Variants in CRPPA observed in about 807,000 individuals in gnomAD.
CRPPA encodes the protein D-ribitol-5-phosphate cytidylyltransferase.
Under a neutral mutation model 52.0 loss-of-function variants are expected in CRPPA, and 43 were observed. The observed-to-expected ratio is 0.83, with a 90% CI of 0.65 to 1.07. The LOEUF (loss-of-function observed/expected upper bound fraction) is 1.07. Among genes scored for constraint, CRPPA ranks in the 50% least tolerant of loss-of-function variants. The pLI is 0.00. For missense variants in CRPPA, 629 were observed against 551.7 expected (o/e 1.14, Z -1.40); for synonymous variants, 250 against 203.5 (o/e 1.23, Z -1.94).
chr7:16,338,261 A>G (rs1785736698), intron 3 of CRPPA, among the ~76,000 whole-genome samples: 1 of 152,232 alleles, frequency 6.6e-6, no homozygotes, highest in South Asian at 2.1e-4. Flanking sequence ...TAAACGTAAT[A>G]TACTACATTA....
chr7:16,258,264 C>T lies in CRPPA; in HGVS notation c.1119+126G>A, dbSNP rs952549765. On this transcript the variant is annotated intron_variant, in intron 8 of 9. Transcript: ENST00000407010. ...TAGCTAGAGAGTAAGCAGAGGAATC[C>T]ACAAACAAGAGTTTCTTTTGAGTAT... 8 of 528,642 alleles carry T rather than the reference C, an allele frequency of 1.5e-5. No homozygotes were observed. In the African/African-American group the frequency reaches 1.6e-4, roughly 10 times the overall value. 32.7% of individuals were successfully genotyped at this position (528,642 alleles called of 1,614,324 possible).
chr7:16,370,573 C>T (rs1786722565), intron 3 of CRPPA, among the ~76,000 whole-genome samples: 1 of 152,120 alleles, frequency 6.6e-6, no homozygotes, highest in Non-Finnish European at 1.5e-5. Context: ...GGAGAGGGCA[C>T]TACATCAAGG....
At chr7:16,100,506 C>T (rs966796084) in intron 9 of CRPPA, among the ~76,000 whole-genome samples, 54 of 152,128 alleles carry the variant, frequency 3.5e-4, no homozygotes, top group African/African-American at 1.0e-3. Context: ...AAGAGGTGAC[C>T]TTTTAGCTTA....
chr7:16,162,121 C>T (rs1256120416), intron 9 of CRPPA, among the ~76,000 whole-genome samples: 3 of 151,958 alleles, frequency 2.0e-5, no homozygotes, highest in African/African-American at 4.8e-5. Context: ...TTAATCTTTT[C>T]CAAAAACCAG....
In CRPPA at chr7:16,139,190, T is replaced by C. The variant is rs73291875; in HGVS notation, c.1252-47391A>G. On this transcript the variant is annotated intron_variant, in intron 9 of 9. Coordinates refer to ENST00000407010, the MANE Select transcript of CRPPA (RefSeq NM_001101426.4). ...AGGCAGCGTGGAGTATTTGGAGGAA[T>C]CCAACGAGGTGGAAACAGTAGTCTA... Among the ~76,000 whole-genome samples, 960 of 152,318 alleles carry C rather than the reference T, an allele frequency of 6.3e-3. 13 individuals carry two copies. The highest frequency in any genetic ancestry group is 0.022 in the African/African-American group (923 of 41,574).
Position 16,091,348 on chromosome 7 carries a change from C to A in CRPPA, c.*347G>T. ...TATTAATTAACAGTTAGGATAATAA[C>A]TGAAGTTTTCTAAATTCTCATTCCT... On this transcript the variant is annotated 3_prime_UTR_variant, in exon 10 of 10. Transcript: ENST00000407010. 1 of 189,012 alleles carries A rather than the reference C, an allele frequency of 5.3e-6. No individual in the cohort carries two copies. 11.7% of individuals were successfully genotyped at this position (189,012 alleles called of 1,614,324 possible). A position where few individuals can be genotyped will look rare whatever the true frequency, so the allele number is the denominator to read the frequency against.
At chr7:16,124,868 T>TA (rs956244440) in intron 9 of CRPPA, among the ~76,000 whole-genome samples, 6 of 151,392 alleles carry the variant, frequency 4.0e-5, no homozygotes, top group African/African-American at 1.2e-4. Flanking sequence ...AATTTTAAAA[T>TA]AAAAAAATAT....
chr7:16,161,332 GCT>G (rs1450943052), intron 9 of CRPPA, among the ~76,000 whole-genome samples: 1 of 152,092 alleles, frequency 6.6e-6, no homozygotes, highest in Non-Finnish European at 1.5e-5. Flanking sequence ...GTCATAAATA[GCT>G]CTTATTATTT....
At chr7:16,301,326 T>C in intron 5 of CRPPA, 95 bp downstream of exon 5, 2 of 1,002,122 alleles carry the variant, frequency 2.0e-6, no homozygotes, top group South Asian at 1.4e-5. Flanking sequence ...GCTTTTCTGC[T>C]TTTGAGATTG....
In CRPPA at chr7:16,089,348, G is replaced by A. The variant is rs530317623; in HGVS notation, c.*2347C>T. Reference sequence around the variant, plus strand: ...TATAAATATATGTGTGTATGCGTACGTATATACATACATACATGCATGTAC... The same window carrying A: ...TATAAATATATGTGTGTATGCGTACATATATACATACATACATGCATGTAC... On this transcript the variant is annotated 3_prime_UTR_variant, in exon 10 of 10. Transcript: ENST00000407010. 28 of 356,062 alleles carry A rather than the reference G, an allele frequency of 7.9e-5. 2 individuals are homozygous for A. The highest frequency in any genetic ancestry group is 2.1e-4 in the South Asian group (12 of 57,154). 22.1% of individuals were successfully genotyped at this position (356,062 alleles called of 1,614,324 possible). A position where few individuals can be genotyped will look rare whatever the true frequency, so the allele number is the denominator to read the frequency against.
intron 8 of CRPPA, among the ~76,000 whole-genome samples, chr7:16,242,098 G>C (rs1298113508): frequency 2.0e-5 from 3 of 151,242 alleles, no homozygotes; most frequent in Non-Finnish European, 2.9e-5. Flanking sequence ...GGAACTACAG[G>C]CACCCGCCAC....
chr7:16,392,590 A>C (rs1348544074), intron 2 of CRPPA, among the ~76,000 whole-genome samples: 3 of 152,158 alleles, frequency 2.0e-5, no homozygotes, highest in African/African-American at 7.2e-5. Context: ...TCCGGAGACC[A>C]GTTATTAAAT....
intron 3 of CRPPA, among the ~76,000 whole-genome samples, chr7:16,338,256 G>A (rs773359468): frequency 5.3e-5 from 8 of 152,044 alleles, no homozygotes; most frequent in East Asian, 1.9e-4. Flanking sequence ...AACAATAAAC[G>A]TAATATACTA....
chr7:16,415,490 T>C (rs910535246), intron 1 of CRPPA, among the ~76,000 whole-genome samples: 46 of 152,210 alleles, frequency 3.0e-4, no homozygotes, highest in Admixed American at 3.0e-3. Context: ...CTGGGAATTT[T>C]ACTCTTCCTT....
intron 6 of CRPPA, chr7:16,268,973 G>C (rs1306727424): frequency 6.6e-6 from 1 of 152,096 alleles, no homozygotes; most frequent in African/African-American, 2.4e-5. Context: ...TTTTCTTCTG[G>C]TTAGAAAATC....
At chr7:16,260,308 C>G (rs778899693) in intron 6 of CRPPA, among the ~76,000 whole-genome samples, 2 of 152,018 alleles carry the variant, frequency 1.3e-5, no homozygotes, top group Admixed American at 6.6e-5. Context: ...GGACATCTCT[C>G]TCTCTCTGGA....
chr7:16,342,995 A>G (rs924565689), intron 3 of CRPPA, among the ~76,000 whole-genome samples: 24 of 151,320 alleles, frequency 1.6e-4, no homozygotes, highest in African/African-American at 5.8e-4. Flanking sequence ...AGCCAAGATG[A>G]TGCCACTGCA....
In CRPPA at chr7:16,284,142, G is replaced by A. The variant is rs114822038; in HGVS notation, c.836-5916C>T. Among the ~76,000 whole-genome samples, 1,002 of 152,056 alleles carry A rather than the reference G, an allele frequency of 6.6e-3. 12 individuals carry two copies. Among genetic ancestry groups the A allele is most frequent in the African/African-American group, 0.023 (956 of 41,516 alleles). On this transcript the variant is annotated intron_variant, in intron 5 of 9. Transcript: ENST00000407010. The stretch of plus-strand genomic sequence containing the variant: ...AAGGACAAATCAAGGGCAAGGAGAT[G>A]GACTTGAAAAGTCTTTTCATTTATT...
At chr7:16,297,712 G>A (rs1784703972) in intron 5 of CRPPA, among the ~76,000 whole-genome samples, 1 of 152,184 alleles carries the variant, frequency 6.6e-6, no homozygotes, top group Non-Finnish European at 1.5e-5. Flanking sequence ...TGGCTTAGAA[G>A]CTCTATAGCC....
Sources: gnomAD v4.1 joint callset for allele counts (sites outside exome capture counted in the v4.1 genomes callset) on GRCh38, gnomAD v4.1.1 for gene constraint, MANE v1.5 for transcripts, NCBI Gene and HGNC (gene_info 2026-07-23, HGNC 2026-07-21) for gene names.